The following PLEKHG2 variants were observed in gnomAD, a reference collection of about 807,000 sequenced individuals.
PLEKHG2 encodes the protein pleckstrin homology and RhoGEF domain containing G2, also known as pleckstrin homology domain-containing family G member 2.
A neutral mutation model predicts 104.4 loss-of-function variants in PLEKHG2; 71 were observed. That is an observed-to-expected ratio of 0.68 (90% CI 0.56 to 0.83). The LOEUF is 0.83. PLEKHG2 is among the 40% of genes least tolerant of loss of function. PLEKHG2 has a pLI of 0.00. For missense variants in PLEKHG2, 1,730 were observed against 1,809.4 expected, an observed-to-expected ratio of 0.96 and a Z score of 0.80; for synonymous variants, 728 against 737.0, an observed-to-expected ratio of 0.99 and a Z score of 0.20.
chr19:39,424,713 C>T lies in PLEKHG2; in HGVS notation c.3580C>T (p.Leu1194Phe), dbSNP rs1179066560. 3 of 1,614,230 alleles carry T rather than the reference C, an allele frequency of 1.9e-6. No homozygotes were observed. Among genetic ancestry groups the T allele is most frequent in the Admixed American group, 1.7e-5 (1 of 60,020 alleles). ...CCTTACAGATACACAGGTCCAAAAA[C>T]TCACACCTTCGTTGGAGCAGAAGAG... is the stretch of plus-strand genomic sequence containing the variant. ...PSLTDTQVQK[L>F]TPSLEQKSLI... The change falls in exon 19 of 19, where the codon CTC (leucine) becomes TTC (phenylalanine). Residue 1194 changes from leucine (L) to phenylalanine (F), a missense_variant. Physicochemically the swap from Leu to Phe is conservative, Grantham distance 22. Transcript: ENST00000425673.
rs2145989151 is a variant in PLEKHG2, at chr19:39,417,638, T to A, written c.828T>A (p.Val276=). The A allele has an allele frequency of 6.2e-7, 1 of 1,613,526 alleles. No individual in the cohort carries two copies. The highest frequency in any genetic ancestry group is 1.7e-4 in the Middle Eastern group (1 of 6,058). ...AAGCTATTGTGTCCATGACAGCGGT[T>A]GCCTGGTACATCAACGACATGAAGC... ...VEEAIVSMTA[V]AWYINDMKRK... Residue 276 remains valine (V), a synonymous_variant, in exon 8 of 19, where the codon GTT becomes GTA. Transcript: ENST00000425673.
In PLEKHG2 at chr19:39,425,440, C is replaced by G; in HGVS notation, c.*146C>G. On this transcript the variant is annotated 3_prime_UTR_variant, in exon 19 of 19. Transcript: ENST00000425673. ...CTGGTATCTGCATCGGCGAATGGCCCTTCTTGCCTTGATCCACAGGGATGG... is the reference window on the plus strand; with the variant it reads ...CTGGTATCTGCATCGGCGAATGGCCGTTCTTGCCTTGATCCACAGGGATGG... 2 of 1,305,408 alleles carry G rather than the reference C, an allele frequency of 1.5e-6. No homozygotes were observed. Among genetic ancestry groups the G allele is most frequent in the Non-Finnish European group, 2.0e-6 (2 of 990,758 alleles). 80.9% of individuals were successfully genotyped at this position (1,305,408 alleles called of 1,614,324 possible). A position where few individuals can be genotyped will look rare whatever the true frequency, so the allele number is the denominator to read the frequency against.
Position 39,424,321 on chromosome 19 carries a change from A to G in PLEKHG2, c.3188A>G (p.Asp1063Gly), listed in dbSNP as rs1176569083. ...CTGACAAAGCAAGGAGGTTCCAGGG[A>G]TGTTCAGGGCCCAGACCCTGTCTGC... ...IPLTKQGGSR[D>G]VQGPDPVCSQ... Residue 1063 changes from aspartate (D) to glycine (G), a missense_variant, in exon 19 of 19, where the codon GAT (aspartate) becomes GGT (glycine). Transcript: ENST00000425673. The G allele has an allele frequency of 6.2e-7, 1 of 1,613,984 alleles. No individual in the cohort carries two copies. Among genetic ancestry groups the G allele is most frequent in the Non-Finnish European group, 8.5e-7 (1 of 1,180,030 alleles).
rs141195795 is a variant in PLEKHG2, at chr19:39,416,877, G to A, written c.621G>A (p.Ser207=). Reference sequence around the variant, plus strand: ...CCCTGGCCCTGCTCCGGGAGCTGTCGTTGTCTCCGCCAGCAGCCCTGTGGC... The same window carrying A: ...CCCTGGCCCTGCTCCGGGAGCTGTCATTGTCTCCGCCAGCAGCCCTGTGGC... ...PSSLALLREL[S]LSPPAALWLQ... The change falls in exon 7 of 19, where the codon TCG becomes TCA. Residue 207 remains serine (S), a synonymous_variant. Coordinates refer to ENST00000425673, the MANE Select transcript of PLEKHG2 (RefSeq NM_022835.3). The surrounding 1 kb of genome is among the most constrained non-coding windows in gnomAD (Gnocchi z 4.5). The A allele has an allele frequency of 1.4e-4, 223 of 1,610,906 alleles. No individual in the cohort carries two copies. The South Asian group carries it at 1.7e-3, about 12-fold the overall frequency.
At position 39,424,338 on chromosome 19, in the gene PLEKHG2, C is replaced by T; in HGVS notation, c.3205C>T (p.Pro1069Ser). 1.9e-6 allele frequency: 3 copies of T among 1,614,128 alleles called. No individual in the cohort carries two copies. The highest frequency in any genetic ancestry group is 1.7e-5 in the Admixed American group (1 of 60,020). ...TTCCAGGGATGTTCAGGGCCCAGAC[C>T]CTGTCTGCAGTCAACCCATCCAGCC... ...GGSRDVQGPD[P>S]VCSQPIQPLS... The change falls in exon 19 of 19, where the codon CCT becomes TCT. Residue 1069 changes from proline to serine, a missense_variant. By Grantham distance (74) the Pro-to-Ser change is moderately conservative. Coordinates refer to ENST00000425673, the MANE Select transcript of PLEKHG2 (RefSeq NM_022835.3).
At chr19:39,414,311 TG>T in intron 2 of PLEKHG2, 116 bp downstream of exon 2, 1 of 1,107,576 alleles carries the variant, frequency 9.0e-7, no homozygotes, top group Non-Finnish European at 1.3e-6. Context: ...CCGAGTCTGG[TG>T]GGGAAGGCGG....
Position 39,416,254 on chromosome 19 carries a change from C to G in PLEKHG2, c.480-94C>G. 1 of 1,272,762 alleles carries G rather than the reference C, an allele frequency of 7.9e-7. No homozygotes were observed. The highest frequency in any genetic ancestry group is 1.1e-6 in the Non-Finnish European group (1 of 882,322). The allele number at this position is 1,272,762 out of a possible 1,614,324, so 78.8% of individuals were successfully genotyped here. ...ATGCTGGCAGTCAGCAAGCCCCCAG[C>G]CCCAGCAGACCATTGGGGCCTCAGC... On this transcript the variant is annotated intron_variant, in intron 4 of 18. Coordinates refer to ENST00000425673, the MANE Select transcript of PLEKHG2 (RefSeq NM_022835.3). The surrounding 1 kb of genome is among the most constrained non-coding windows in gnomAD (Gnocchi z 4.5).
At position 39,416,180 on chromosome 19, in the gene PLEKHG2, G is replaced by C. The variant is rs901118180; in HGVS notation, c.480-168G>C. Among the ~76,000 whole-genome samples the C allele has an allele frequency of 1.1e-4, 16 of 152,094 alleles. No homozygotes were observed. The highest frequency in any genetic ancestry group is 3.9e-4 in the African/African-American group (16 of 41,392). On this transcript the variant is annotated intron_variant, in intron 4 of 18. Transcript: ENST00000425673. The surrounding 1 kb of genome is among the most constrained non-coding windows in gnomAD (Gnocchi z 4.5). ...AAGTCTAAGCAGGTTACCATGCCCC[G>C]TGTAGCCCTCAGAGGACCCTTCCTC...
chr19:39,422,089 C>A, intron 16 of PLEKHG2, 26 bp from the exon 17 acceptor site: 1 of 1,589,520 alleles, frequency 6.3e-7, no homozygotes, highest in Non-Finnish European at 8.6e-7. Flanking sequence ...TTGGCTCTTG[C>A]CTTCCATTGC....
Position 39,415,154 on chromosome 19 carries a change from C to G in PLEKHG2, c.272C>G (p.Pro91Arg), listed in dbSNP as rs199854899. 1.9e-6 allele frequency: 3 copies of G among 1,599,296 alleles called. No individual in the cohort carries two copies. Among genetic ancestry groups the G allele is most frequent in the African/African-American group, 1.3e-5 (1 of 74,576 alleles). Residue 91 changes from proline to arginine, a missense_variant, in exon 3 of 19, where the codon CCG (proline) becomes CGG (arginine). Transcript: ENST00000425673. This position sits in a 1 kb window ranked among gnomAD's most constrained non-coding sequence, Gnocchi z 4.6. ...PGPPIRLHLS[P>R]VGIPGSARPS... Reference sequence around the variant, plus strand: ...CCTCCCATCCGCCTACATCTCTCTCCGGTGGGGATCCCAGGTTCAGCCAGA... The same window carrying G: ...CCTCCCATCCGCCTACATCTCTCTCGGGTGGGGATCCCAGGTTCAGCCAGA...
At chr19:39,422,526 C>T (rs1359634452) in intron 17 of PLEKHG2, among the ~76,000 whole-genome samples, 6 of 151,954 alleles carry the variant, frequency 3.9e-5, no homozygotes, top group East Asian at 1.9e-4. Flanking sequence ...TACAGGCACC[C>T]GCCAACACAC....
Position 39,424,915 on chromosome 19 carries a change from G to A in PLEKHG2, c.3782G>A (p.Ser1261Asn), listed in dbSNP as rs753599994. The A allele has an allele frequency of 3.3e-5, 54 of 1,614,034 alleles. No homozygotes were observed. Among genetic ancestry groups the A allele is most frequent in the Non-Finnish European group, 4.4e-5 (52 of 1,180,042 alleles). The change falls in exon 19 of 19, where the codon AGT becomes AAT. Residue 1261 changes from serine (S) to asparagine (N), a missense_variant. Transcript: ENST00000425673. ...LESSDLTPPH[S>N]PPPSSRQLLG... ...TCTTCAGACTTGACGCCACCTCATA[G>A]TCCCCCACCTTCCAGCCGTCAGCTC...
intron 10 of PLEKHG2, 30 bp downstream of exon 10, chr19:39,418,856 G>T: frequency 6.3e-7 from 1 of 1,595,406 alleles, no homozygotes. Context: ...AGGCTGGCAG[G>T]GATCCCCCAG....
At position 39,422,837 on chromosome 19, in the gene PLEKHG2, G is replaced by A. The variant is rs1489593887; in HGVS notation, c.1783G>A (p.Glu595Lys). 4 of 1,564,730 alleles carry A rather than the reference G, an allele frequency of 2.6e-6. No homozygotes were observed. The highest frequency in any genetic ancestry group is 3.5e-6 in the Non-Finnish European group (4 of 1,154,090). Residue 595 changes from glutamate (E) to lysine (K), a missense_variant, in exon 18 of 19, where the codon GAG (glutamate) becomes AAG (lysine). Physicochemically the swap from Glu to Lys is moderately conservative, Grantham distance 56. Coordinates refer to ENST00000425673, the MANE Select transcript of PLEKHG2 (RefSeq NM_022835.3). ...ALPSRDSSEE[E>K]EEEEEGLEMD... Reference sequence around the variant, plus strand: ...GCCCAGCCGGGACTCTTCAGAAGAGGAGGAGGAGGAAGAGGAAGGGCTGGA... The same window carrying A: ...GCCCAGCCGGGACTCTTCAGAAGAGAAGGAGGAGGAAGAGGAAGGGCTGGA...
rs528153099 is a variant in PLEKHG2 at position 39,420,502 on chromosome 19, G to T, written c.1264-124G>T. 2.4e-6 allele frequency: 3 copies of T among 1,229,672 alleles called. No individual in the cohort carries two copies. The African/African-American group carries it at 4.5e-5, about 18-fold the overall frequency. 76.2% of individuals were successfully genotyped at this position (1,229,672 alleles called of 1,614,324 possible). A position where few individuals can be genotyped will look rare whatever the true frequency, so the allele number is the denominator to read the frequency against. ...TTGCACCACTGTACTCCAACCTGGC[G>T]TATAGAGCAAGATCTAAAAACAAAA... On this transcript the variant is annotated intron_variant, in intron 11 of 18. Transcript: ENST00000425673.
Position 39,425,277 on chromosome 19 carries a change from G to C in PLEKHG2, c.4144G>C (p.Ala1382Pro), listed in dbSNP as rs548268467. ...TCACAGGGCCCAGGGGGCTCCTGAT[G>C]CCCCCTTCCACATGTGAGCCAGGAC... The part of the protein sequence containing the change: ...GLHRAQGAPD[A>P]PFHM The change falls in exon 19 of 19, where the codon GCC becomes CCC. Residue 1382 changes from alanine to proline, a missense_variant. By Grantham distance (27) the Ala-to-Pro change is conservative. Transcript: ENST00000425673. The C allele has an allele frequency of 7.4e-6, 12 of 1,611,970 alleles. No individual in the cohort carries two copies. The African/African-American group carries it at 1.6e-4, about 22-fold the overall frequency.
At chr19:39,421,783 G>A (rs1600660674) in intron 16 of PLEKHG2, 2 of 228,096 alleles carry the variant, frequency 8.8e-6, no homozygotes, top group African/African-American at 2.3e-5. Flanking sequence ...TTGGGAGGCC[G>A]AGGTAGGTGG....
rs144501434 is a variant in PLEKHG2 at position 39,424,363 on chromosome 19, C to T, written c.3230C>T (p.Pro1077Leu). 10 of 1,614,072 alleles carry T rather than the reference C, an allele frequency of 6.2e-6. No individual in the cohort carries two copies. The highest frequency in any genetic ancestry group is 1.3e-5 in the African/African-American group (1 of 74,924). ...CCTGTCTGCAGTCAACCCATCCAGC[C>T]TTTGTCTTGGCATGGAAGCAGCCTG... Reference protein sequence around the residue: ...PDPVCSQPIQPLSWHGSSLDP... With the variant: ...PDPVCSQPIQLLSWHGSSLDP... Residue 1077 changes from proline (P) to leucine (L), a missense_variant, in exon 19 of 19, where the codon CCT becomes CTT. Transcript: ENST00000425673.
In PLEKHG2 at chr19:39,424,372, G is replaced by A. The variant is rs759152975; in HGVS notation, c.3239G>A (p.Trp1080Ter). The A allele has an allele frequency of 1.9e-6, 3 of 1,614,036 alleles. No individual in the cohort carries two copies. Among genetic ancestry groups the A allele is most frequent in the Non-Finnish European group, 2.5e-6 (3 of 1,179,998 alleles). ...AGTCAACCCATCCAGCCTTTGTCTT[G>A]GCATGGAAGCAGCCTGGATCCCCAG... ...VCSQPIQPLS[W>*]HGSSLDPQGP... is the part of the protein sequence containing the mutation. Residue 1080 changes from tryptophan (W) to a stop codon, truncating the protein, a stop_gained, in exon 19 of 19, where the codon TGG becomes TAG. Transcript: ENST00000425673. LOFTEE classifies it low-confidence loss of function (END_TRUNC).
Sources: gnomAD v4.1 joint callset for allele counts (sites outside exome capture counted in the v4.1 genomes callset) on GRCh38, gnomAD v4.1.1 for gene constraint, Gnocchi (gnomAD v3.1) non-coding constraint, MANE v1.5 for transcripts, NCBI Gene and HGNC (gene_info 2026-07-23, HGNC 2026-07-21) for gene names.